Variants in PHKA1 observed in about 807,000 individuals in gnomAD.
PHKA1 encodes the protein phosphorylase b kinase regulatory subunit alpha, skeletal muscle isoform.
In PHKA1, 60 loss-of-function variants were observed where a neutral mutation model predicts 110.2. The ratio of observed to expected loss-of-function variants is 0.54; its 90% CI spans 0.44 to 0.68. PHKA1 has a LOEUF of 0.68. Among genes scored for constraint, PHKA1 ranks in the 30% least tolerant of loss-of-function variants. PHKA1 has a pLI of 0.00. For synonymous variants in PHKA1, 316 were observed against 333.6 expected, an observed-to-expected ratio of 0.95 and a Z score of 0.58; for missense variants, 801 against 942.5, an observed-to-expected ratio of 0.85 and a Z score of 1.97.
intron 8 of PHKA1, among the ~76,000 whole-genome samples, chrX:72,661,247 T>C (rs1343630708): frequency 1.8e-5 from 2 of 112,075 alleles, no homozygotes; most frequent in East Asian, 2.8e-4. Context: ...GTTGTTTAGG[T>C]AATAAGAAAT....
rs1223745303 is a variant in PHKA1 at position 72,626,957 on chromosome X, T to C, written c.1793+14A>G. On this transcript the variant is annotated intron_variant, in intron 17 of 31. Transcript: ENST00000373542. ...TCATTTCATTTCACTAAAGAGTGTA[T>C]AGAGGTCACTTACCTTGCCCCACCA... 2 of 1,162,849 alleles carry C rather than the reference T, an allele frequency of 1.7e-6. No homozygotes were observed. The highest frequency in any genetic ancestry group is 2.3e-6 in the Non-Finnish European group (2 of 852,398).
chrX:72,584,750 T>A (rs1201674976), intron 29 of PHKA1, among the ~76,000 whole-genome samples: 1 of 110,938 alleles, frequency 9.0e-6, no homozygotes, highest in Non-Finnish European at 1.9e-5. Context: ...TTTTAACACT[T>A]GTTTTTTTTT....
At chrX:72,584,008 G>A (rs1307867662) in intron 30 of PHKA1, among the ~76,000 whole-genome samples, 3 of 112,107 alleles carry the variant, frequency 2.7e-5, no homozygotes, top group Non-Finnish European at 5.6e-5. Flanking sequence ...CCCTCACAAC[G>A]CTCACATAAG....
Position 72,714,043 on chromosome X carries a change from C to T in PHKA1, c.-163G>A. The T allele has an allele frequency of 2.0e-6, 1 of 499,638 alleles. No individual in the cohort carries two copies. The highest frequency in any genetic ancestry group is 3.7e-5 in the East Asian group (1 of 27,150). 41.2% of individuals were successfully genotyped at this position (499,638 alleles called of 1,213,427 possible). ...CCGCTCAGGCCTGGCGCCGCGGATT[C>T]CGCGTACCTCTCCGGACTCCGGCGG... On this transcript the variant is annotated 5_prime_UTR_variant, in exon 1 of 32. Transcript: ENST00000373542.
intron 5 of PHKA1, among the ~76,000 whole-genome samples, chrX:72,679,851 G>A (rs1466049643): frequency 9.1e-6 from 1 of 109,511 alleles, no homozygotes; most frequent in African/African-American, 3.3e-5. Flanking sequence ...GGAAGGGGGG[G>A]AACATAAAAA....
chrX:72,619,243 C>T lies in PHKA1; in HGVS notation c.2200G>A (p.Asp734Asn). The change falls in exon 20 of 32, where the codon GAT (aspartate) becomes AAT (asparagine). Residue 734 changes from aspartate to asparagine, a missense_variant. This residue lies in a region of PHKA1 where 502 missense variants were observed against 519.2 expected (regional missense o/e 0.97). Transcript: ENST00000373542. ...QASRPSFNLL[D>N]SPHPRQENQV... Reference sequence around the variant, plus strand: ...TTCTCCTGTCGGGGATGAGGTGAATCAAGTAAGTTGAATGAAGGCCGGGAA... The same window carrying T: ...TTCTCCTGTCGGGGATGAGGTGAATTAAGTAAGTTGAATGAAGGCCGGGAA... 1.7e-6 allele frequency: 2 copies of T among 1,192,844 alleles called. No homozygotes were observed. The highest frequency in any genetic ancestry group is 4.6e-4 in the Middle Eastern group (2 of 4,315).
chrX:72,586,975 C>T (rs1463064268), intron 29 of PHKA1, among the ~76,000 whole-genome samples: 4 of 111,074 alleles, frequency 3.6e-5, no homozygotes, highest in Non-Finnish European at 5.7e-5. Context: ...CTGAAAGTGA[C>T]GGGGAGAATG....
At chrX:72,638,130 TTTTTTG>T (rs1300338799) in intron 14 of PHKA1, among the ~76,000 whole-genome samples, 3 of 111,665 alleles carry the variant, frequency 2.7e-5, no homozygotes, top group South Asian at 7.5e-4. Context: ...CTCACAGGTT[TTTTTTG>T]TTTTTGTTTT....
intron 10 of PHKA1, among the ~76,000 whole-genome samples, chrX:72,655,745 C>CT (rs1556300998): frequency 2.8e-4 from 31 of 111,046 alleles, no homozygotes; most frequent in Non-Finnish European, 4.9e-4. Flanking sequence ...GCCTCAGCCT[C>CT]CCGAGTAGCT....
At chrX:72,596,121 C>T (rs922212752) in intron 28 of PHKA1, among the ~76,000 whole-genome samples, 27 of 111,558 alleles carry the variant, frequency 2.4e-4, no homozygotes, top group Admixed American at 9.5e-4. Flanking sequence ...ACTTTAAAAA[C>T]GAAGGAAATT....
At chrX:72,581,447 T>C (rs1476237182) in intron 31 of PHKA1, among the ~76,000 whole-genome samples, 1 of 112,017 alleles carries the variant, frequency 8.9e-6, no homozygotes, top group Non-Finnish European at 1.9e-5. Context: ...TTTCTAAAAG[T>C]TAAATATAAT....
chrX:72,581,836 C>A (rs954270046), intron 31 of PHKA1, among the ~76,000 whole-genome samples: 2 of 112,112 alleles, frequency 1.8e-5, no homozygotes, highest in Admixed American at 1.9e-4. Context: ...CACTTATGTG[C>A]TCCTACTGTT....
intron 8 of PHKA1, chrX:72,660,856 T>A (rs1556303694): frequency 1.5e-5 from 3 of 204,622 alleles, no homozygotes; most frequent in South Asian, 7.9e-5. Flanking sequence ...ATAATGTCTG[T>A]TCATGTGTTA....
At chrX:72,634,106 C>A (rs1283331375) in intron 16 of PHKA1, among the ~76,000 whole-genome samples, 3 of 112,222 alleles carry the variant, frequency 2.7e-5, no homozygotes, top group Non-Finnish European at 5.6e-5. Flanking sequence ...AAAATACTGA[C>A]CTAATGGTTT....
intron 29 of PHKA1, among the ~76,000 whole-genome samples, chrX:72,591,228 A>G (rs1209772046): frequency 1.8e-5 from 2 of 112,283 alleles, no homozygotes; most frequent in East Asian, 5.6e-4. Flanking sequence ...AATACTATGC[A>G]GCCATAAAAA....
At chrX:72,666,130 C>T (rs1401585328) in intron 8 of PHKA1, 21 bp downstream of exon 8, 2 of 1,205,698 alleles carry the variant, frequency 1.7e-6, no homozygotes, top group African/African-American at 3.5e-5. Context: ...TTAAAGAAAA[C>T]AAAGGTACAT....
At chrX:72,643,791 A>G (rs1203833927) in intron 14 of PHKA1, among the ~76,000 whole-genome samples, 1 of 111,688 alleles carries the variant, frequency 9.0e-6, no homozygotes, top group Non-Finnish European at 1.9e-5. Flanking sequence ...AGGAATTAGG[A>G]CTTGTATATC....
intron 7 of PHKA1, among the ~76,000 whole-genome samples, chrX:72,666,772 T>C (rs1250007497): frequency 8.9e-6 from 1 of 112,052 alleles, no homozygotes; most frequent in Non-Finnish European, 1.9e-5. Context: ...TCTGACCCAC[T>C]TTTTTCCTCT....
At chrX:72,676,324 C>A (rs1214149443) in intron 5 of PHKA1, among the ~76,000 whole-genome samples, 174 bp from the exon 6 acceptor site, 1 of 111,009 alleles carries the variant, frequency 9.0e-6, no homozygotes, top group Non-Finnish European at 1.9e-5. Flanking sequence ...GTGGCCCCTG[C>A]AGCTACTTTG....
Sources: allele counts gnomAD v4.1 joint callset (sites outside exome capture counted in the v4.1 genomes callset), GRCh38; gene constraint gnomAD v4.1.1; regional missense constraint gnomAD v4.1.1; transcripts MANE v1.5; gene names NCBI Gene and HGNC (gene_info 2026-07-23, HGNC 2026-07-21).